ZBTB22: variants seen among roughly 807,000 people sequenced by gnomAD.
ZBTB22 encodes zinc finger and BTB domain-containing protein 22.
For synonymous variants in ZBTB22, 356 were observed against 347.3 expected (o/e 1.03, Z -0.28); for missense variants, 668 against 834.1 (o/e 0.80, Z 2.45).
At position 33,316,840 on chromosome 6, in the gene ZBTB22, A is replaced by T; in HGVS notation, c.77T>A (p.Leu26Gln). The T allele has an allele frequency of 1.2e-6, 2 of 1,613,920 alleles. No individual in the cohort carries two copies. ...PLSLAPPPLP[L>Q]PAAAVVHVSF... ...CACATGTACCACTGCAGCTGCTGGCAGGGGTAGTGGGGGCGGAGCCAGCGA... is the reference window on the plus strand; with the variant it reads ...CACATGTACCACTGCAGCTGCTGGCTGGGGTAGTGGGGGCGGAGCCAGCGA... Residue 26 changes from leucine (L) to glutamine (Q), a missense_variant, in exon 2 of 2, where the codon CTG becomes CAG. Transcript: ENST00000431845. This position sits in a 1 kb window ranked among gnomAD's most constrained non-coding sequence, Gnocchi z 7.2.
chr6:33,315,793 A>T lies in ZBTB22; in HGVS notation c.1124T>A (p.Val375Asp), dbSNP rs184398210. The T allele has an allele frequency of 4.8e-5, 78 of 1,612,722 alleles. No individual in the cohort carries two copies. Among genetic ancestry groups the T allele is most frequent in the Non-Finnish European group, 6.2e-5 (73 of 1,179,318 alleles). Residue 375 changes from valine (V) to aspartate (D), a missense_variant, in exon 2 of 2, where the codon GTC becomes GAC. Coordinates refer to ENST00000431845, the MANE Select transcript of ZBTB22 (RefSeq NM_005453.5). The surrounding 1 kb of genome is among the most constrained non-coding windows in gnomAD (Gnocchi z 5.4). ...SEPPDKGEEQ[V>D]NFCESSNDFG... ...GTCATTGGAGGACTCACAGAAGTTG[A>T]CCTGCTCCTCCCCCTTGTCTGGGGG...
chr6:33,315,993 C>A lies in ZBTB22; in HGVS notation c.924G>T (p.Ala308=). 6.2e-7 allele frequency: 1 copy of A among 1,614,062 alleles called. No homozygotes were observed. The highest frequency in any genetic ancestry group is 8.5e-7 in the Non-Finnish European group (1 of 1,180,000). The change falls in exon 2 of 2, where the codon GCG becomes GCT. Residue 308 remains alanine, a synonymous_variant. Transcript: ENST00000431845. This position sits in a 1 kb window ranked among gnomAD's most constrained non-coding sequence, Gnocchi z 5.4. ...GGTCTTGGGGAACCAGGGGTGTTGG[C>A]GCTGGGCAATTACCACCTCGCTTCA... ...VYVKRGGNCP[A]PTPLVPQDPD...
Position 33,315,572 on chromosome 6 carries a change from C to T in ZBTB22, c.1345G>A (p.Ala449Thr). ...QAPGQPPGNQ[A>T]EHGAVTVGGT... The stretch of plus-strand genomic sequence containing the variant: ...CCCACGGTCACTGCCCCGTGTTCTG[C>T]TTGGTTCCCTGGTGGTTGGCCAGGA... The change falls in exon 2 of 2, where the codon GCA becomes ACA. Residue 449 changes from alanine (A) to threonine (T), a missense_variant. Coordinates refer to ENST00000431845, the MANE Select transcript of ZBTB22 (RefSeq NM_005453.5). The surrounding 1 kb of genome is among the most constrained non-coding windows in gnomAD (Gnocchi z 5.4). The T allele has an allele frequency of 1.2e-6, 2 of 1,613,970 alleles. No individual in the cohort carries two copies. The highest frequency in any genetic ancestry group is 1.7e-6 in the Non-Finnish European group (2 of 1,180,002).
At position 33,315,940 on chromosome 6, in the gene ZBTB22, T is replaced by G. The variant is rs752975171; in HGVS notation, c.977A>C (p.Glu326Ala). 6.2e-7 allele frequency: 1 copy of G among 1,613,924 alleles called. No homozygotes were observed. The highest frequency in any genetic ancestry group is 8.5e-7 in the Non-Finnish European group (1 of 1,179,946). ...ATCCTCACAGGTCAACACCAGATCT[T>G]CCTCCTCCTCTTCCTCCTCCAGATC... ...DPDLEEEEEE[E>A]DLVLTCEDDE... Residue 326 changes from glutamate (E) to alanine (A), a missense_variant, in exon 2 of 2, where the codon GAA becomes GCA. Physicochemically the swap from Glu to Ala is moderately radical, Grantham distance 107. Coordinates refer to ENST00000431845, the MANE Select transcript of ZBTB22 (RefSeq NM_005453.5). The surrounding 1 kb of genome is among the most constrained non-coding windows in gnomAD (Gnocchi z 5.4).
intron 1 of ZBTB22, 125 bp from the exon 2 acceptor site, chr6:33,317,110 T>C: frequency 1.6e-6 from 1 of 638,362 alleles, no homozygotes; most frequent in Non-Finnish European, 2.6e-6. Context: ...GGTATTCCTC[T>C]CAACCCCATT....
Position 33,316,272 on chromosome 6 carries a change from A to G in ZBTB22, c.645T>C (p.Thr215=). ...CCTCTTGGGAGGAAGATGAGAAATCAGTGGACTCCCTGGGGCTGAAGTAGT... is the reference window on the plus strand; with the variant it reads ...CCTCTTGGGAGGAAGATGAGAAATCGGTGGACTCCCTGGGGCTGAAGTAGT... ...SSNYFSPRES[T]DFSSSSQEAF... The change falls in exon 2 of 2, where the codon ACT becomes ACC. Residue 215 remains threonine (T), a synonymous_variant. Coordinates refer to ENST00000431845, the MANE Select transcript of ZBTB22 (RefSeq NM_005453.5). The surrounding 1 kb of genome is among the most constrained non-coding windows in gnomAD (Gnocchi z 7.2). 6.2e-7 allele frequency: 1 copy of G among 1,614,182 alleles called. No homozygotes were observed. The highest frequency in any genetic ancestry group is 8.5e-7 in the Non-Finnish European group (1 of 1,180,028).
Position 33,315,444 on chromosome 6 carries a change from C to T in ZBTB22, c.1473G>A (p.Gly491=). ...DGNKIFLCHC[G]KAFSHKSMRD... ...GCATGCTCTTGTGGGAGAAGGCCTT[C>T]CCACAATGGCACAGAAAGATCTTAT... Residue 491 remains glycine, a synonymous_variant, in exon 2 of 2, where the codon GGG becomes GGA. Coordinates refer to ENST00000431845, the MANE Select transcript of ZBTB22 (RefSeq NM_005453.5). The surrounding 1 kb of genome is among the most constrained non-coding windows in gnomAD (Gnocchi z 5.4). 6.2e-7 allele frequency: 1 copy of T among 1,614,152 alleles called. No homozygotes were observed.
Position 33,317,305 on chromosome 6 carries a change from C to T in ZBTB22, c.-69-320G>A, listed in dbSNP as rs1293230341. Among the ~76,000 whole-genome samples the T allele has an allele frequency of 5.3e-5, 8 of 152,150 alleles. No individual in the cohort carries two copies. In the East Asian group the frequency reaches 5.8e-4, roughly 11 times the overall value. ...GGAATTATACCCTATTTCCGACTTA[C>T]CTGAGAGCCTGACATTCCAAAATCT... On this transcript the variant is annotated intron_variant, in intron 1 of 1. Transcript: ENST00000431845.
At position 33,316,010 on chromosome 6, in the gene ZBTB22, C is replaced by A. The variant is rs770026939; in HGVS notation, c.907G>T (p.Gly303Cys). The A allele has an allele frequency of 2.0e-5, 32 of 1,614,106 alleles. No individual in the cohort carries two copies. Among genetic ancestry groups the A allele is most frequent in the Non-Finnish European group, 2.6e-5 (31 of 1,179,992 alleles). Residue 303 changes from glycine to cysteine, a missense_variant, in exon 2 of 2, where the codon GGT (glycine) becomes TGT (cysteine). Transcript: ENST00000431845. This position sits in a 1 kb window ranked among gnomAD's most constrained non-coding sequence, Gnocchi z 7.2. ...GGTGTTGGCGCTGGGCAATTACCACCTCGCTTCACGTATACCCAGTGTTTC... is the reference window on the plus strand; with the variant it reads ...GGTGTTGGCGCTGGGCAATTACCACATCGCTTCACGTATACCCAGTGTTTC... The part of the protein sequence containing the change: ...PQKHWVYVKR[G>C]GNCPAPTPLV...
At position 33,315,103 on chromosome 6, in the gene ZBTB22, G is replaced by T; in HGVS notation, c.1814C>A (p.Ala605Glu). The change falls in exon 2 of 2, where the codon GCG becomes GAG. Residue 605 changes from alanine to glutamate, a missense_variant. Coordinates refer to ENST00000431845, the MANE Select transcript of ZBTB22 (RefSeq NM_005453.5). This position sits in a 1 kb window ranked among gnomAD's most constrained non-coding sequence, Gnocchi z 5.4. ...ACGTCTGCTGGACGGGGGCGTGGCC[G>T]CACTCGCTTCGTCGCCGCTGCCCCC... is the stretch of plus-strand genomic sequence containing the variant. ...VGGGSGDEAS[A>E]ATPPSSRRVW... 1 of 1,611,128 alleles carries T rather than the reference G, an allele frequency of 6.2e-7. No homozygotes were observed. The highest frequency in any genetic ancestry group is 1.1e-5 in the South Asian group (1 of 90,950).
In ZBTB22 at chr6:33,316,841, G is replaced by A. The variant is rs1769910819; in HGVS notation, c.76C>T (p.Leu26=). ...ACATGTACCACTGCAGCTGCTGGCA[G>A]GGGTAGTGGGGGCGGAGCCAGCGAC... ...PLSLAPPPLP[L]PAAAVVHVSF... Residue 26 remains leucine (L), a synonymous_variant, in exon 2 of 2, where the codon CTG becomes TTG. Transcript: ENST00000431845. This position sits in a 1 kb window ranked among gnomAD's most constrained non-coding sequence, Gnocchi z 7.2. 1 of 1,613,984 alleles carries A rather than the reference G, an allele frequency of 6.2e-7. No homozygotes were observed. The highest frequency in any genetic ancestry group is 1.7e-4 in the Middle Eastern group (1 of 6,060).
Position 33,316,045 on chromosome 6 carries a change from A to G in ZBTB22, c.872T>C (p.Ile291Thr), listed in dbSNP as rs974880771. 6.2e-7 allele frequency: 1 copy of G among 1,613,860 alleles called. No individual in the cohort carries two copies. The highest frequency in any genetic ancestry group is 8.5e-7 in the Non-Finnish European group (1 of 1,179,934). The change falls in exon 2 of 2, where the codon ATC (isoleucine) becomes ACC (threonine). Residue 291 changes from isoleucine (I) to threonine (T), a missense_variant. By Grantham distance (89) the Ile-to-Thr change is moderately conservative. Transcript: ENST00000431845. This position sits in a 1 kb window ranked among gnomAD's most constrained non-coding sequence, Gnocchi z 7.2. ...GTATACCCAGTGTTTCTGTGGCATG[A>G]TGCTAGGGGGTGTGTAGGTGGGTCT... ...LRRPTYTPPS[I>T]MPQKHWVYVK...
Position 33,314,850 on chromosome 6 carries a change from G to T in ZBTB22, c.*162C>A, listed in dbSNP as rs926634840. 3.0e-6 allele frequency: 4 copies of T among 1,347,332 alleles called. No homozygotes were observed. The African/African-American group carries it at 4.4e-5, about 15-fold the overall frequency. 83.5% of individuals were successfully genotyped at this position (1,347,332 alleles called of 1,614,324 possible). A position where few individuals can be genotyped will look rare whatever the true frequency, so the allele number is the denominator to read the frequency against. ...AGGGGTTGAGTAGTAGAATGGGCGG[G>T]CGATGGTGAAACTGTGGTTCCCCTT... is the stretch of plus-strand genomic sequence containing the variant. On this transcript the variant is annotated 3_prime_UTR_variant, in exon 2 of 2. Coordinates refer to ENST00000431845, the MANE Select transcript of ZBTB22 (RefSeq NM_005453.5).
At position 33,315,194 on chromosome 6, in the gene ZBTB22, C is replaced by T. The variant is rs374783950; in HGVS notation, c.1723G>A (p.Val575Ile). The part of the protein sequence containing the change: ...RRHRLGGVGA[V>I]PGPGTPTGPS... ...CCCGTGGGAGTCCCAGGCCCAGGTA[C>T]GGCCCCGACCCCGCCCAGGCGGTGC... Residue 575 changes from valine (V) to isoleucine (I), a missense_variant, in exon 2 of 2, where the codon GTA (valine) becomes ATA (isoleucine). By Grantham distance (29) the Val-to-Ile change is conservative. Coordinates refer to ENST00000431845, the MANE Select transcript of ZBTB22 (RefSeq NM_005453.5). This position sits in a 1 kb window ranked among gnomAD's most constrained non-coding sequence, Gnocchi z 5.4. 103 of 1,612,156 alleles carry T rather than the reference C, an allele frequency of 6.4e-5. No individual in the cohort carries two copies. Among genetic ancestry groups the T allele is most frequent in the Non-Finnish European group, 1.4e-5 (16 of 1,179,172 alleles).
At position 33,315,000 on chromosome 6, in the gene ZBTB22, T is replaced by C. The variant is rs1174396544; in HGVS notation, c.*12A>G. Reference sequence around the variant, plus strand: ...TTTCCCGAAAGCTACCCCACCCCAGTAGCCTGCCCCTTCAGTTTGCTCCTC... The same window carrying C: ...TTTCCCGAAAGCTACCCCACCCCAGCAGCCTGCCCCTTCAGTTTGCTCCTC... On this transcript the variant is annotated 3_prime_UTR_variant, in exon 2 of 2. Transcript: ENST00000431845. 1.3e-6 allele frequency: 2 copies of C among 1,531,496 alleles called. No homozygotes were observed. The highest frequency in any genetic ancestry group is 1.8e-6 in the Non-Finnish European group (2 of 1,138,180). The allele number at this position is 1,531,496 out of a possible 1,614,324, so 94.9% of individuals were successfully genotyped here.
At chr6:33,317,351 C>T (rs1004961832) in intron 1 of ZBTB22, among the ~76,000 whole-genome samples, 16 of 152,048 alleles carry the variant, frequency 1.1e-4, no homozygotes, top group Non-Finnish European at 1.0e-4. Flanking sequence ...TGTTTTGCAC[C>T]CACTTTTTGG....
chr6:33,316,474 CGGA>C lies in ZBTB22; in HGVS notation c.440_442del (p.Leu147del). 6.2e-7 allele frequency: 1 copy of C among 1,614,176 alleles called. No homozygotes were observed. Among genetic ancestry groups the C allele is most frequent in the Non-Finnish European group, 8.5e-7 (1 of 1,180,026 alleles). On this transcript the variant is annotated inframe_deletion, in exon 2 of 2. Coordinates refer to ENST00000431845, the MANE Select transcript of ZBTB22 (RefSeq NM_005453.5). This position sits in a 1 kb window ranked among gnomAD's most constrained non-coding sequence, Gnocchi z 7.2. ...GGTGGTAGCTGAGGCCCGGCCTTCT[CGGA>C]GTAGTTCAGTGCACTTGTCCACAAT...
At position 33,316,925 on chromosome 6, in the gene ZBTB22, G is replaced by A; in HGVS notation, c.-9C>T. ...AGAGGAGATGGCTCCATGTTGTGGA[G>A]GGAGGGGATACCCCCCCAGCCACAG... is the stretch of plus-strand genomic sequence containing the variant. On this transcript the variant is annotated 5_prime_UTR_variant, in exon 2 of 2. Transcript: ENST00000431845. The surrounding 1 kb of genome is among the most constrained non-coding windows in gnomAD (Gnocchi z 7.2). 1.9e-6 allele frequency: 3 copies of A among 1,569,264 alleles called. No homozygotes were observed. The highest frequency in any genetic ancestry group is 2.6e-6 in the Non-Finnish European group (3 of 1,157,484).
At position 33,314,537 on chromosome 6, in the gene ZBTB22, G is replaced by T; in HGVS notation, c.*475C>A. ...TGAGAACCGAGTTGGGAATTTCCACGGGAAGTCGGGGGTGGCGGGGAGAGA... is the reference window on the plus strand; with the variant it reads ...TGAGAACCGAGTTGGGAATTTCCACTGGAAGTCGGGGGTGGCGGGGAGAGA... On this transcript the variant is annotated 3_prime_UTR_variant, in exon 2 of 2. Transcript: ENST00000431845. 5.0e-6 allele frequency: 1 copy of T among 199,926 alleles called. No individual in the cohort carries two copies. Among genetic ancestry groups the T allele is most frequent in the Non-Finnish European group, 1.0e-5 (1 of 97,988 alleles). The allele number at this position is 199,926 out of a possible 1,614,324, so 12.4% of individuals were successfully genotyped here. A position where few individuals can be genotyped will look rare whatever the true frequency, so the allele number is the denominator to read the frequency against.
Sources: gnomAD v4.1 joint callset for allele counts (sites outside exome capture counted in the v4.1 genomes callset) on GRCh38, gnomAD v4.1.1 for gene constraint, Gnocchi (gnomAD v3.1) non-coding constraint, MANE v1.5 for transcripts, NCBI Gene and HGNC (gene_info 2026-07-23, HGNC 2026-07-21) for gene names.